The following MTSS2 variants were observed in gnomAD, a reference collection of about 807,000 sequenced individuals.
MTSS2 encodes MTSS I-BAR domain containing 2.
In MTSS2, 27 loss-of-function variants were observed where a neutral mutation model predicts 67.1. The ratio of observed to expected loss-of-function variants is 0.40; its 90% confidence interval spans 0.30 to 0.55. The LOEUF is 0.55. Among genes scored for constraint, MTSS2 ranks in the 20% least tolerant of loss-of-function variants. MTSS2 has a pLI of 0.43. For missense variants in MTSS2, 1,171 were observed against 1,067.8 expected, an observed-to-expected ratio of 1.10 and a Z score of -1.35; for synonymous variants, 624 against 468.6, an observed-to-expected ratio of 1.33 and a Z score of -4.28.
At chr16:70,682,466 G>A (rs2053331930) in intron 1 of MTSS2, among the ~76,000 whole-genome samples, 1 of 152,048 alleles carries the variant, frequency 6.6e-6, no homozygotes, top group African/African-American at 2.4e-5. Flanking sequence ...AGGGGTGGAG[G>A]GGGGTCCAGA....
Position 70,663,662 on chromosome 16 carries a change from G to T in MTSS2, c.*15C>A. 6.4e-7 allele frequency: 1 copy of T among 1,559,676 alleles called. No homozygotes were observed. Among genetic ancestry groups the T allele is most frequent in the East Asian group, 2.3e-5 (1 of 42,840 alleles). On this transcript the variant is annotated 3_prime_UTR_variant, in exon 15 of 15. Coordinates refer to ENST00000338779, the MANE Select transcript of MTSS2 (RefSeq NM_138383.3). ...GCTCGCACTGGGGCCTGAGAGGATG[G>T]GGAGGGTGGCGCCATCATAAGATGC...
rs1286953152 is a variant in MTSS2, at chr16:70,664,436, G to A, written c.1485C>T (p.Asp495=). The A allele has an allele frequency of 2.6e-6, 4 of 1,538,392 alleles. No homozygotes were observed. Among genetic ancestry groups the A allele is most frequent in the Non-Finnish European group, 2.6e-6 (3 of 1,144,148 alleles). Residue 495 remains aspartate (D), a synonymous_variant, in exon 15 of 15, where the codon GAC becomes GAT. Coordinates refer to ENST00000338779, the MANE Select transcript of MTSS2 (RefSeq NM_138383.3). ...CCGCATCCCCATTCACGGAGTAGCAGTCGTAGTCGGAGCCTGGGGGCACGG... is the reference window on the plus strand; with the variant it reads ...CCGCATCCCCATTCACGGAGTAGCAATCGTAGTCGGAGCCTGGGGGCACGG... ...DTIPSQGSDY[D]CYSVNGDADS...
intron 8 of MTSS2, 94 bp downstream of exon 8, chr16:70,678,158 C>A: frequency 6.9e-7 from 1 of 1,457,430 alleles, no homozygotes; most frequent in Non-Finnish European, 9.2e-7. Flanking sequence ...TGCCCCCAGC[C>A]AGGGACTGCT....
Position 70,665,547 on chromosome 16 carries a change from T to C in MTSS2, c.1054-7A>G. On this transcript the variant is annotated splice_region_variant and splice_polypyrimidine_tract_variant and intron_variant, in intron 11 of 14. Coordinates refer to ENST00000338779, the MANE Select transcript of MTSS2 (RefSeq NM_138383.3). ...ATGCAGAGCTGGAGGACTTCTGCCATGCAGAGGCCAGCAGGCGGTTGCAGA... is the reference window on the plus strand; with the variant it reads ...ATGCAGAGCTGGAGGACTTCTGCCACGCAGAGGCCAGCAGGCGGTTGCAGA... The C allele has an allele frequency of 3.9e-6, 6 of 1,546,386 alleles. No individual in the cohort carries two copies. Among genetic ancestry groups the C allele is most frequent in the African/African-American group, 1.4e-5 (1 of 73,090 alleles).
At chr16:70,684,550 C>A (rs2053396864) in intron 1 of MTSS2, among the ~76,000 whole-genome samples, 2 of 152,146 alleles carry the variant, frequency 1.3e-5, no homozygotes, top group Non-Finnish European at 2.9e-5. Context: ...CCTGTCCTAG[C>A]AGCACTGTAC....
At chr16:70,667,195 T>C (rs534516888) in intron 11 of MTSS2, among the ~76,000 whole-genome samples, 35 of 139,326 alleles carry the variant, frequency 2.5e-4, no homozygotes, top group Non-Finnish European at 3.8e-4. Flanking sequence ...ATCTTGAGCC[T>C]AGGAATTCAA....
intron 11 of MTSS2, chr16:70,665,749 G>A (rs908796299): frequency 4.0e-6 from 2 of 499,786 alleles, no homozygotes; most frequent in Admixed American, 3.4e-5. Flanking sequence ...CACGGTGAAC[G>A]CTGACCCACC....
Position 70,663,449 on chromosome 16 carries a change from C to A in MTSS2, c.*228G>T. On this transcript the variant is annotated 3_prime_UTR_variant, in exon 15 of 15. Transcript: ENST00000338779. Reference sequence around the variant, plus strand: ...GAGGGACCGAAGAGCATAAAACAGACCCCGAACCAGGCCCAGGCCTGCAGG... The same window carrying A: ...GAGGGACCGAAGAGCATAAAACAGAACCCGAACCAGGCCCAGGCCTGCAGG... 5 of 758,796 alleles carry A rather than the reference C, an allele frequency of 6.6e-6. No individual in the cohort carries two copies. Among genetic ancestry groups the A allele is most frequent in the East Asian group, 3.0e-5 (1 of 33,192 alleles). The allele number at this position is 758,796 out of a possible 1,614,324, so 47.0% of individuals were successfully genotyped here. A position where few individuals can be genotyped will look rare whatever the true frequency, so the allele number is the denominator to read the frequency against.
rs1160800223 is a variant in MTSS2, at chr16:70,663,608, G to C, written c.*69C>G. Reference sequence around the variant, plus strand: ...TCTCCTGGCTGGGCCTTTGCTCTGAGTGCCTGCGGCTCACAGACCAGGCCA... The same window carrying C: ...TCTCCTGGCTGGGCCTTTGCTCTGACTGCCTGCGGCTCACAGACCAGGCCA... On this transcript the variant is annotated 3_prime_UTR_variant, in exon 15 of 15. Transcript: ENST00000338779. 1.4e-6 allele frequency: 2 copies of C among 1,470,370 alleles called. No individual in the cohort carries two copies. Among genetic ancestry groups the C allele is most frequent in the East Asian group, 2.5e-5 (1 of 40,388 alleles). 91.1% of individuals were successfully genotyped at this position (1,470,370 alleles called of 1,614,324 possible).
rs2052494693 is a variant in MTSS2, at chr16:70,661,997, C to CTGAG, written c.*1676_*1679dup. On this transcript the variant is annotated 3_prime_UTR_variant, in exon 15 of 15. Transcript: ENST00000338779. ...CTGGTGTTGGCCTGAGCTCCACGGG[C>CTGAG]TGAGTGCTCGGCCAGGCAGTTGTTG... The CTGAG allele has an allele frequency of 6.5e-6, 1 of 152,878 alleles. No individual in the cohort carries two copies. The highest frequency in any genetic ancestry group is 2.1e-4 in the South Asian group (1 of 4,858). 9.5% of individuals were successfully genotyped at this position (152,878 alleles called of 1,614,324 possible). A position where few individuals can be genotyped will look rare whatever the true frequency, so the allele number is the denominator to read the frequency against.
At position 70,664,706 on chromosome 16, in the gene MTSS2, G is replaced by A. The variant is rs1420537374; in HGVS notation, c.1363C>T (p.Leu455=). The A allele has an allele frequency of 1.9e-6, 3 of 1,613,086 alleles. No individual in the cohort carries two copies. Among genetic ancestry groups the A allele is most frequent in the Non-Finnish European group, 8.5e-7 (1 of 1,179,860 alleles). The change falls in exon 14 of 15, where the codon CTG becomes TTG. Residue 455 remains leucine (L), a synonymous_variant. Transcript: ENST00000338779. The part of the protein sequence containing the change: ...SDLAMVLTRG[L]SLEHQKSSRD... ...CTGCTCTTCTGGTGCTCCAGGCTCA[G>A]GCCCCGCGTCAGCACCATGGCCAGG...
Position 70,661,213 on chromosome 16 carries a change from C to A in MTSS2, c.*2464G>T. ...CAGGCAGAGGCAGGGGTGTTAATTA[C>A]AGTACACCTTTATTAATACTGGAAT... is the stretch of plus-strand genomic sequence containing the variant. On this transcript the variant is annotated 3_prime_UTR_variant, in exon 15 of 15. Coordinates refer to ENST00000338779, the MANE Select transcript of MTSS2 (RefSeq NM_138383.3). 1 of 452,774 alleles carries A rather than the reference C, an allele frequency of 2.2e-6. No homozygotes were observed. Among genetic ancestry groups the A allele is most frequent in the Admixed American group, 2.4e-5 (1 of 42,086 alleles). The allele number at this position is 452,774 out of a possible 1,614,324, so 28.0% of individuals were successfully genotyped here.
At chr16:70,667,232 C>T (rs1303348944) in intron 11 of MTSS2, among the ~76,000 whole-genome samples, 3 of 129,978 alleles carry the variant, frequency 2.3e-5, no homozygotes, top group Non-Finnish European at 4.6e-5. Context: ...GATCACACCA[C>T]TGAACTCCTG....
chr16:70,684,818 G>A (rs2053404012), intron 1 of MTSS2, among the ~76,000 whole-genome samples: 1 of 152,232 alleles, frequency 6.6e-6, no homozygotes, highest in Non-Finnish European at 1.5e-5. Context: ...GCGTAGGGCA[G>A]CCCTGCCAAA....
rs1416888577 is a variant in MTSS2 at position 70,665,458 on chromosome 16, G to A, written c.1128+8C>T. 8 of 1,552,558 alleles carry A rather than the reference G, an allele frequency of 5.2e-6. No homozygotes were observed. Among genetic ancestry groups the A allele is most frequent in the Non-Finnish European group, 7.0e-6 (8 of 1,149,636 alleles). On this transcript the variant is annotated splice_region_variant and intron_variant, in intron 12 of 14. Coordinates refer to ENST00000338779, the MANE Select transcript of MTSS2 (RefSeq NM_138383.3). ...TGACTGTCCTGGGGCCGGGCTGGGAGCACTGACCGAGGTGGGGGAGCTGCA... is the reference window on the plus strand; with the variant it reads ...TGACTGTCCTGGGGCCGGGCTGGGAACACTGACCGAGGTGGGGGAGCTGCA...
chr16:70,669,208 C>T (rs1187880265), intron 11 of MTSS2, among the ~76,000 whole-genome samples: 2 of 151,924 alleles, frequency 1.3e-5, no homozygotes, highest in Admixed American at 6.6e-5. Flanking sequence ...TTAAAAGACC[C>T]CCATTAAGAC....
Position 70,665,486 on chromosome 16 carries a change from C to T in MTSS2, c.1108G>A (p.Glu370Lys), listed in dbSNP as rs546566051. ...EASETCQSVS[E>K]CSSPTSDWSK... The stretch of plus-strand genomic sequence containing the variant: ...CTGACCGAGGTGGGGGAGCTGCACT[C>T]GCTAACGGACTGGCAGGTTTCCGAG... Residue 370 changes from glutamate (E) to lysine (K), a missense_variant, in exon 12 of 15, where the codon GAG becomes AAG. Glu to Lys is a moderately conservative substitution (Grantham distance 56). Coordinates refer to ENST00000338779, the MANE Select transcript of MTSS2 (RefSeq NM_138383.3). 41 of 1,556,416 alleles carry T rather than the reference C, an allele frequency of 2.6e-5. No individual in the cohort carries two copies. The highest frequency in any genetic ancestry group is 1.1e-4 in the South Asian group (9 of 84,388).
chr16:70,679,253 G>A, intron 7 of MTSS2, 62 bp downstream of exon 7: 2 of 1,599,144 alleles, frequency 1.3e-6, no homozygotes, highest in Non-Finnish European at 1.7e-6. Flanking sequence ...CCTGAGCTGG[G>A]GGAGACAGAC....
At chr16:70,678,457 T>G (rs377630830) in intron 7 of MTSS2, 48 bp from the exon 8 acceptor site, 1 of 1,574,716 alleles carries the variant, frequency 6.4e-7, no homozygotes, top group African/African-American at 1.3e-5. Flanking sequence ...CAGCCTGGCT[T>G]GCCACACCCA....
Sources: allele counts gnomAD v4.1 joint callset (sites outside exome capture counted in the v4.1 genomes callset), GRCh38; gene constraint gnomAD v4.1.1; transcripts MANE v1.5; gene names NCBI Gene and HGNC (gene_info 2026-07-23, HGNC 2026-07-21).